The following E2F7 variants were observed in gnomAD, a reference collection of about 807,000 sequenced individuals.
E2F7 encodes the protein E2F transcription factor 7.
Under a neutral mutation model 81.1 loss-of-function variants are expected in E2F7, and 35 were observed. That is an observed-to-expected ratio of 0.43 (90% confidence interval 0.33 to 0.57). E2F7 has a LOEUF of 0.57. E2F7 is among the 20% of genes least tolerant of loss of function. The probability of loss-of-function intolerance (pLI) is 0.04; values close to 1 mark genes in which losing one functional copy is unlikely to be tolerated. For missense variants in E2F7, 961 were observed against 1,093.7 expected (o/e 0.88, Z 1.71); for synonymous variants, 416 against 416.2 (o/e 1.00, Z 0.01).
Position 77,056,156 on chromosome 12 carries a change from A to G in E2F7, c.94-26T>C, listed in dbSNP as rs746430591. On this transcript the variant is annotated intron_variant, in intron 2 of 12. Coordinates refer to ENST00000322886, the MANE Select transcript of E2F7 (RefSeq NM_203394.3). ...CTATTTTAAAAAAGAAACTTTTAGC[A>G]AGAATGAGAAAGGGCAGGTATCAGC... The G allele has an allele frequency of 1.9e-6, 3 of 1,560,028 alleles. No homozygotes were observed. In the African/African-American group the frequency reaches 4.1e-5, roughly 21 times the overall value.
At chr12:77,025,308 A>G (rs1954748392) in intron 12 of E2F7, among the ~76,000 whole-genome samples, 1 of 152,238 alleles carries the variant, frequency 6.6e-6, no homozygotes, top group Non-Finnish European at 1.5e-5. Flanking sequence ...CTATGCCTAA[A>G]ACAGGTCCCT....
intron 2 of E2F7, among the ~76,000 whole-genome samples, chr12:77,056,469 T>G (rs1383546167): frequency 6.6e-6 from 1 of 152,228 alleles, no homozygotes; most frequent in African/African-American, 2.4e-5. Flanking sequence ...AGTGTCACCT[T>G]TTTTAAAACA....
rs574462707 is a variant in E2F7, at chr12:77,041,755, C to T, written c.1123+1310G>A. 9.2e-5 allele frequency among the ~76,000 whole-genome samples: 14 copies of T among 152,302 alleles called. No homozygotes were observed. The South Asian group carries it at 2.7e-3, about 29-fold the overall frequency. Reference sequence around the variant, plus strand: ...TCTCTGAATGCCTACAGAGCCAGTACCACCCCGTCTAGCATGTAATTGCTC... The same window carrying T: ...TCTCTGAATGCCTACAGAGCCAGTATCACCCCGTCTAGCATGTAATTGCTC... On this transcript the variant is annotated intron_variant, in intron 7 of 12. Transcript: ENST00000322886.
At chr12:77,034,675 C>T (rs1954834222) in intron 7 of E2F7, among the ~76,000 whole-genome samples, 1 of 152,172 alleles carries the variant, frequency 6.6e-6, no homozygotes, top group East Asian at 1.9e-4. Context: ...GGTTAAGACA[C>T]AACTTTCTAT....
At chr12:77,061,585 G>A (rs1336666607) in intron 2 of E2F7, among the ~76,000 whole-genome samples, 1 of 152,152 alleles carries the variant, frequency 6.6e-6, no homozygotes, top group Non-Finnish European at 1.5e-5. Flanking sequence ...GTAACTTCGG[G>A]TAATGAAGTT....
chr12:77,061,434 T>C (rs1955077841), intron 2 of E2F7, among the ~76,000 whole-genome samples: 1 of 152,186 alleles, frequency 6.6e-6, no homozygotes, highest in Admixed American at 6.5e-5. Flanking sequence ...CCCTCCTCTC[T>C]ACTTGCCTGA....
At chr12:77,061,930 A>G (rs1369959101) in intron 2 of E2F7, among the ~76,000 whole-genome samples, 3 of 152,196 alleles carry the variant, frequency 2.0e-5, no homozygotes, top group Non-Finnish European at 2.9e-5. Flanking sequence ...CTTAGCCCAA[A>G]TGTTCCTTCC....
intron 11 of E2F7, 65 bp from the exon 12 acceptor site, chr12:77,026,047 C>A: frequency 6.7e-7 from 1 of 1,487,292 alleles, no homozygotes; most frequent in Non-Finnish European, 9.0e-7. Flanking sequence ...TTCAAGCTCA[C>A]ATTTGTCATG....
chr12:77,040,472 C>T (rs1954885694), intron 7 of E2F7, among the ~76,000 whole-genome samples: 1 of 152,232 alleles, frequency 6.6e-6, no homozygotes, highest in Non-Finnish European at 1.5e-5. Flanking sequence ...GACCCAAATT[C>T]TCCACCAAGC....
At chr12:77,047,877 A>G (rs1954956064) in intron 4 of E2F7, among the ~76,000 whole-genome samples, 1 of 152,180 alleles carries the variant, frequency 6.6e-6, no homozygotes, top group African/African-American at 2.4e-5. Flanking sequence ...TTCATGTATT[A>G]ACACATCTTG....
intron 7 of E2F7, among the ~76,000 whole-genome samples, chr12:77,037,437 A>C (rs1229192596): frequency 6.6e-6 from 1 of 152,198 alleles, no homozygotes; most frequent in South Asian, 2.1e-4. Flanking sequence ...CCAAAAAAAC[A>C]AACAAAAAAA....
intron 9 of E2F7, among the ~76,000 whole-genome samples, chr12:77,031,650 A>G (rs1954808865): frequency 6.6e-6 from 1 of 152,156 alleles, no homozygotes; most frequent in South Asian, 2.1e-4. Context: ...CCAAAAAGAA[A>G]AAGCAAAAAG....
chr12:77,047,590 T>TAA (rs753370675), intron 4 of E2F7, among the ~76,000 whole-genome samples: 7 of 152,218 alleles, frequency 4.6e-5, no homozygotes, highest in Non-Finnish European at 1.0e-4. Context: ...AGCTGTTATA[T>TAA]AATCAGGGCA....
At chr12:77,041,903 G>C (rs1954897558) in intron 7 of E2F7, among the ~76,000 whole-genome samples, 1 of 152,112 alleles carries the variant, frequency 6.6e-6, no homozygotes, top group Non-Finnish European at 1.5e-5. Flanking sequence ...GATAATGTCT[G>C]GTCTCAAATG....
chr12:77,044,764 CAG>C lies in E2F7; in HGVS notation c.859_860del (p.Leu287GlufsTer39). 1 of 1,614,072 alleles carries C rather than the reference CAG, an allele frequency of 6.2e-7. No homozygotes were observed. The highest frequency in any genetic ancestry group is 8.5e-7 in the Non-Finnish European group (1 of 1,179,978). ...TGACAAACTTCTGGCTCATAATTCTCAGAGACTTGTCTTTTCTACTGTTTGCA... is the reference window on the plus strand; with the variant it reads ...TGACAAACTTCTGGCTCATAATTCTCAGACTTGTCTTTTCTACTGTTTGCA... ...SSANSRKDKSLRIMSQKFVML... is the reference protein window; with the variant it reads ...SSANSRKDKSXRIMSQKFVML... On this transcript the variant is annotated frameshift_variant, in exon 6 of 13. Transcript: ENST00000322886. LOFTEE classifies it high-confidence loss of function.
At chr12:77,025,411 G>A (rs1157568493) in intron 12 of E2F7, 147 bp downstream of exon 12, 2 of 796,158 alleles carry the variant, frequency 2.5e-6, no homozygotes, top group Non-Finnish European at 2.0e-6. Flanking sequence ...CTTTATAAAA[G>A]GAGCAGATAA....
Position 77,046,199 on chromosome 12 carries a change from T to C in E2F7, c.668A>G (p.Gln223Arg), listed in dbSNP as rs746750145. Reference sequence around the variant, plus strand: ...ATATTTCTGCTCCTCTCCTAGTCTCTGGAGGTTCCTCAGGGTTTTTGGCAG... The same window carrying C: ...ATATTTCTGCTCCTCTCCTAGTCTCCGGAGGTTCCTCAGGGTTTTTGGCAG... The part of the protein sequence containing the change: ...HSLPKTLRNL[Q>R]RLGEEQKYEE... Residue 223 changes from glutamine to arginine, a missense_variant, in exon 5 of 13, where the codon CAG (glutamine) becomes CGG (arginine). Gln to Arg is a conservative substitution (Grantham distance 43). This residue lies in a region of E2F7 where 301 missense variants were observed against 405.0 expected (regional missense o/e 0.74). Transcript: ENST00000322886. The C allele has an allele frequency of 2.6e-5, 42 of 1,614,122 alleles. No individual in the cohort carries two copies. The highest frequency in any genetic ancestry group is 3.3e-5 in the Non-Finnish European group (39 of 1,180,046).
intron 7 of E2F7, among the ~76,000 whole-genome samples, chr12:77,042,094 C>T (rs913033478): frequency 9.2e-5 from 14 of 152,106 alleles, no homozygotes; most frequent in African/African-American, 3.4e-4. Context: ...GAGGGCTTCA[C>T]AGGTGAAAAG....
At chr12:77,055,202 A>G (rs1390334312) in intron 3 of E2F7, among the ~76,000 whole-genome samples, 8 of 152,188 alleles carry the variant, frequency 5.3e-5, no homozygotes, top group African/African-American at 1.9e-4. Context: ...AATTCGAGAC[A>G]TCTTTTTTCT....
Sources: allele counts gnomAD v4.1 joint callset (sites outside exome capture counted in the v4.1 genomes callset), GRCh38; gene constraint gnomAD v4.1.1; regional missense constraint gnomAD v4.1.1; transcripts MANE v1.5; gene names NCBI Gene and HGNC (gene_info 2026-07-23, HGNC 2026-07-21).